The following ANOS1 variants were observed in gnomAD, a reference collection of about 807,000 sequenced individuals.
The protein encoded by ANOS1 is anosmin 1, also known as anosmin-1.
Under a neutral mutation model 59.0 loss-of-function variants are expected in ANOS1, and 6 were observed. That is an observed-to-expected ratio of 0.10 (90% CI 0.06 to 0.20). ANOS1 has a LOEUF of 0.20. ANOS1 is among the 10% of genes least tolerant of loss of function. The probability of loss-of-function intolerance (pLI) is 1.00; values close to 1 mark genes in which losing one functional copy is unlikely to be tolerated. For missense variants in ANOS1, 433 were observed against 542.3 expected (o/e 0.80, Z 2.00); for synonymous variants, 217 against 223.4 (o/e 0.97, Z 0.25).
intron 2 of ANOS1, among the ~76,000 whole-genome samples, chrX:8,626,860 C>CAA (rs745349086): frequency 1.8e-4 from 11 of 59,834 alleles, no homozygotes; most frequent in Non-Finnish European, 2.9e-4. Context: ...TACTCCGTCT[C>CAA]AAAAAAAAAA....
rs781002362 is a variant in ANOS1, at chrX:8,686,267, A to G, written c.255+13431T>C. Among the ~76,000 whole-genome samples the G allele has an allele frequency of 1.4e-4, 16 of 112,264 alleles. No homozygotes were observed. The South Asian group carries it at 5.5e-3, about 39-fold the overall frequency. ...CTCATCTGGCAACATGCGCAGCCAC[A>G]GTATGATATCCTTCTACCGATTTAT... On this transcript the variant is annotated intron_variant, in intron 2 of 13. Coordinates refer to ENST00000262648, the MANE Select transcript of ANOS1 (RefSeq NM_000216.4).
At chrX:8,540,893 G>A (rs1929672691) in intron 9 of ANOS1, among the ~76,000 whole-genome samples, 1 of 107,024 alleles carries the variant, frequency 9.3e-6, no homozygotes, top group African/African-American at 3.4e-5. Context: ...GACATCAAGA[G>A]TTTATTTTTT....
At chrX:8,652,631 C>T (rs1025502024) in intron 2 of ANOS1, among the ~76,000 whole-genome samples, 1 of 111,530 alleles carries the variant, frequency 9.0e-6, no homozygotes. Context: ...AGAAATATCA[C>T]GTTCTAACAA....
In ANOS1 at chrX:8,532,718, C is replaced by A. The variant is rs371941974; in HGVS notation, c.*277G>T. ...TCTGTTGTAATTCAATAGAAATGAGCGACACCATACATGAAAACAAAATTT... is the reference window on the plus strand; with the variant it reads ...TCTGTTGTAATTCAATAGAAATGAGAGACACCATACATGAAAACAAAATTT... On this transcript the variant is annotated 3_prime_UTR_variant, in exon 14 of 14. Coordinates refer to ENST00000262648, the MANE Select transcript of ANOS1 (RefSeq NM_000216.4). The A allele has an allele frequency of 3.0e-5, 8 of 262,835 alleles. No homozygotes were observed. The highest frequency in any genetic ancestry group is 5.4e-5 in the Non-Finnish European group (8 of 147,319). The allele number at this position is 262,835 out of a possible 1,213,427, so 21.7% of individuals were successfully genotyped here.
intron 2 of ANOS1, among the ~76,000 whole-genome samples, chrX:8,642,592 A>G (rs1204436530): frequency 8.9e-6 from 1 of 112,306 alleles, no homozygotes; most frequent in African/African-American, 3.2e-5. Flanking sequence ...TTTATATTGA[A>G]CAATAATTAA....
intron 3 of ANOS1, among the ~76,000 whole-genome samples, chrX:8,605,063 G>T (rs1410793660): frequency 8.9e-6 from 1 of 112,469 alleles, no homozygotes; most frequent in Non-Finnish European, 1.9e-5. Context: ...TTTTAAATCA[G>T]AAAATGTTAA....
chrX:8,541,406 A>ACC (rs1437972626), intron 9 of ANOS1, among the ~76,000 whole-genome samples: 4 of 68,975 alleles, frequency 5.8e-5, no homozygotes, highest in Admixed American at 1.5e-4. Flanking sequence ...TCCGTCTCCC[A>ACC]CCACCCCCCC....
At chrX:8,667,476 A>G (rs1192116675) in intron 2 of ANOS1, among the ~76,000 whole-genome samples, 3 of 110,992 alleles carry the variant, frequency 2.7e-5, no homozygotes, top group East Asian at 2.8e-4. Context: ...AAGTTTTAGA[A>G]CTTCATCCTT....
intron 3 of ANOS1, among the ~76,000 whole-genome samples, chrX:8,604,497 T>C (rs1039075865): frequency 8.9e-5 from 10 of 112,325 alleles, no homozygotes; most frequent in African/African-American, 2.3e-4. Flanking sequence ...TGGGAAGAGA[T>C]AGTGGGGTGA....
intron 12 of ANOS1, among the ~76,000 whole-genome samples, chrX:8,534,714 G>A (rs759934438): frequency 4.5e-5 from 5 of 111,254 alleles, no homozygotes; most frequent in East Asian, 2.8e-4. Flanking sequence ...ATGCTGAGGT[G>A]CCAGTTCTCA....
intron 2 of ANOS1, among the ~76,000 whole-genome samples, chrX:8,644,813 A>G (rs913294947): frequency 1.8e-5 from 2 of 112,706 alleles, no homozygotes; most frequent in Non-Finnish European, 3.7e-5. Flanking sequence ...CCAATCAGGA[A>G]ATCTTTGAAC....
At chrX:8,569,376 C>T (rs749251845) in intron 7 of ANOS1, among the ~76,000 whole-genome samples, 5 of 112,634 alleles carry the variant, frequency 4.4e-5, no homozygotes, top group Non-Finnish European at 3.8e-5. Context: ...GGCGTGGTGG[C>T]TCACGCCTGT....
intron 3 of ANOS1, among the ~76,000 whole-genome samples, chrX:8,615,350 C>T (rs1225089969): frequency 1.8e-5 from 2 of 110,179 alleles, no homozygotes; most frequent in Non-Finnish European, 3.8e-5. Flanking sequence ...CAAGACCAGC[C>T]TGGCCAAGAT....
At chrX:8,728,795 G>A (rs966463970) in intron 1 of ANOS1, among the ~76,000 whole-genome samples, 1 of 111,969 alleles carries the variant, frequency 8.9e-6, no homozygotes, top group Non-Finnish European at 1.9e-5. Flanking sequence ...CCAGGTCAGA[G>A]CAGTGTTGGA....
intron 2 of ANOS1, among the ~76,000 whole-genome samples, chrX:8,664,127 C>T (rs765741970): frequency 2.7e-5 from 3 of 111,949 alleles, no homozygotes; most frequent in Admixed American, 1.9e-4. Context: ...ACCATCATGG[C>T]ACATGTTTAC....
intron 1 of ANOS1, 32 bp from the exon 2 acceptor site, chrX:8,699,777 A>G: frequency 9.2e-7 from 1 of 1,081,543 alleles, no homozygotes; most frequent in South Asian, 1.9e-5. Flanking sequence ...ATATTGATCC[A>G]TTAGAAAGCT....
At chrX:8,658,982 C>T (rs1490861821) in intron 2 of ANOS1, among the ~76,000 whole-genome samples, 1 of 111,065 alleles carries the variant, frequency 9.0e-6, no homozygotes, top group Non-Finnish European at 1.9e-5. Context: ...TAATCCCAGC[C>T]CTTTGGGAGG....
chrX:8,674,676 G>A (rs1403251415), intron 2 of ANOS1, among the ~76,000 whole-genome samples: 1 of 112,389 alleles, frequency 8.9e-6, no homozygotes, highest in African/African-American at 3.2e-5. Flanking sequence ...AGCCGTCCTG[G>A]GCCTCATGCG....
intron 9 of ANOS1, 42 bp from the exon 10 acceptor site, chrX:8,539,800 G>A (rs1304201680): frequency 1.7e-6 from 2 of 1,207,871 alleles, no homozygotes; most frequent in Middle Eastern, 2.4e-4. Context: ...TAGGCTGGAT[G>A]TTACATTCCA....
Sources: allele counts gnomAD v4.1 joint callset (sites outside exome capture counted in the v4.1 genomes callset), GRCh38; gene constraint gnomAD v4.1.1; transcripts MANE v1.5; gene names NCBI Gene and HGNC (gene_info 2026-07-23, HGNC 2026-07-21).